Variants in CTNNA3 observed in about 807,000 individuals in gnomAD.
The protein encoded by CTNNA3 is catenin alpha-3.
A neutral mutation model predicts 95.7 loss-of-function variants in CTNNA3; 76 were observed. The ratio of observed to expected loss-of-function variants is 0.79; its 90% CI spans 0.66 to 0.96. The LOEUF (loss-of-function observed/expected upper bound fraction) is 0.96. CTNNA3 is among the 40% of genes least tolerant of loss of function. The pLI is 0.00. For missense variants in CTNNA3, 1,191 were observed against 1,089.8 expected, an observed-to-expected ratio of 1.09 and a Z score of -1.31; for synonymous variants, 431 against 374.4, an observed-to-expected ratio of 1.15 and a Z score of -1.74.
chr10:66,851,633 T>TACACACAC (rs35986426), intron 7 of CTNNA3, among the ~76,000 whole-genome samples: 6,358 of 144,204 alleles, frequency 0.044, 199 homozygotes, highest in African/African-American at 0.06. Flanking sequence ...TTCTCTCACA[T>TACACACAC]ACACACACAC....
At chr10:67,182,857 C>T (rs1247782863) in intron 6 of CTNNA3, among the ~76,000 whole-genome samples, 2 of 152,144 alleles carry the variant, frequency 1.3e-5, no homozygotes, top group Admixed American at 6.6e-5. Flanking sequence ...AAACAAACAA[C>T]CCCATCAACA....
intron 7 of CTNNA3, among the ~76,000 whole-genome samples, chr10:66,979,505 C>T (rs1850288201): frequency 1.3e-5 from 2 of 152,062 alleles, no homozygotes; most frequent in Admixed American, 6.6e-5. Flanking sequence ...AAATTTCGGC[C>T]CAGGGTGCAG....
intron 15 of CTNNA3, among the ~76,000 whole-genome samples, chr10:66,067,901 G>C (rs1012762162): frequency 6.6e-6 from 1 of 151,986 alleles, no homozygotes; most frequent in African/African-American, 2.4e-5. Flanking sequence ...GGATGACAGA[G>C]CGAGACTCCA....
At chr10:67,273,608 A>T (rs1839069360) in intron 5 of CTNNA3, among the ~76,000 whole-genome samples, 1 of 152,200 alleles carries the variant, frequency 6.6e-6, no homozygotes, top group African/African-American at 2.4e-5. Flanking sequence ...TATGTTCCAC[A>T]GAAAGCCTTG....
intron 10 of CTNNA3, among the ~76,000 whole-genome samples, chr10:66,590,068 G>C (rs1221395501): frequency 6.6e-6 from 1 of 152,078 alleles, no homozygotes; most frequent in Non-Finnish European, 1.5e-5. Context: ...TTTGTGAACT[G>C]CTAATTCAAT....
In CTNNA3 at chr10:67,615,657, CTT is replaced by C. The variant is rs746378840; in HGVS notation, c.100-8610_100-8609del. Among the ~76,000 whole-genome samples the C allele has an allele frequency of 1.8e-3, 182 of 102,134 alleles. 1 individual carries two copies. Among genetic ancestry groups the C allele is most frequent in the African/African-American group, 4.9e-3 (124 of 25,472 alleles). The allele number at this position is 102,134 out of a possible 152,430, so 67.0% of individuals were successfully genotyped here. A position where few individuals can be genotyped will look rare whatever the true frequency, so the allele number is the denominator to read the frequency against. On this transcript the variant is annotated intron_variant, in intron 2 of 17. Coordinates refer to ENST00000433211, the MANE Select transcript of CTNNA3 (RefSeq NM_013266.4). ...AATGTGTAACACAACGGCAGGTATT[CTT>C]TTTTTTTTTTTTTTTTTTTTTGAGA... is the stretch of plus-strand genomic sequence containing the variant.
Position 67,563,770 on chromosome 10 carries a change from G to A in CTNNA3, c.293-24101C>T, listed in dbSNP as rs888150768. On this transcript the variant is annotated intron_variant, in intron 3 of 17. Transcript: ENST00000433211. ...TGACAAAGGGCTAATATCCAGAATCGATAAAGAACTTAAACAAATTTACAA... is the reference window on the plus strand; with the variant it reads ...TGACAAAGGGCTAATATCCAGAATCAATAAAGAACTTAAACAAATTTACAA... 3.0e-4 allele frequency among the ~76,000 whole-genome samples: 45 copies of A among 151,312 alleles called. 1 individual carries two copies. Among genetic ancestry groups the A allele is most frequent in the African/African-American group, 1.1e-3 (44 of 40,918 alleles).
intron 5 of CTNNA3, among the ~76,000 whole-genome samples, chr10:67,381,824 G>A (rs921272579): frequency 6.6e-6 from 1 of 152,124 alleles, no homozygotes; most frequent in Non-Finnish European, 1.5e-5. Flanking sequence ...CTTTCTGACA[G>A]GTGAAGCCCT....
chr10:67,203,074 T>C (rs1178784397), intron 6 of CTNNA3, among the ~76,000 whole-genome samples: 1 of 152,192 alleles, frequency 6.6e-6, no homozygotes, highest in African/African-American at 2.4e-5. Flanking sequence ...TTTTTGGCTG[T>C]CTCCCTTGTT....
At chr10:67,484,217 G>C (rs934234462) in intron 5 of CTNNA3, among the ~76,000 whole-genome samples, 5 of 152,134 alleles carry the variant, frequency 3.3e-5, no homozygotes, top group Admixed American at 3.3e-4. Context: ...AACAAGCAAT[G>C]GGGAAAGGAC....
At chr10:67,231,882 G>A (rs889307665) in intron 5 of CTNNA3, among the ~76,000 whole-genome samples, 6 of 152,156 alleles carry the variant, frequency 3.9e-5, no homozygotes, top group Middle Eastern at 3.2e-3. Context: ...CTCAGGAGCC[G>A]ATGCGATCAA....
chr10:66,709,920 T>G lies in CTNNA3; in HGVS notation c.1281+56344A>C, dbSNP rs563355435. 2.2e-4 allele frequency among the ~76,000 whole-genome samples: 33 copies of G among 152,270 alleles called. 1 individual carries two copies. The highest frequency in any genetic ancestry group is 2.2e-3 in the Admixed American group (33 of 15,282). ...TAGTAAGAAATATACAATTATGATA[T>G]TTGAAATGCTATTAGAAATTAAGAA... is the stretch of plus-strand genomic sequence containing the variant. On this transcript the variant is annotated intron_variant, in intron 9 of 17. Coordinates refer to ENST00000433211, the MANE Select transcript of CTNNA3 (RefSeq NM_013266.4).
chr10:66,175,660 C>T (rs2085668922), intron 13 of CTNNA3, among the ~76,000 whole-genome samples: 1 of 152,174 alleles, frequency 6.6e-6, no homozygotes, highest in African/African-American at 2.4e-5. Context: ...CTTAACTCAC[C>T]AGTCACAATG....
At chr10:67,129,384 T>A (rs766727184) in intron 7 of CTNNA3, among the ~76,000 whole-genome samples, 58 of 152,196 alleles carry the variant, frequency 3.8e-4, no homozygotes, top group Non-Finnish European at 2.8e-4. Context: ...AATGACTTTA[T>A]AATTTAGCTG....
chr10:66,586,307 T>C (rs1271627477), intron 10 of CTNNA3, among the ~76,000 whole-genome samples: 1 of 152,066 alleles, frequency 6.6e-6, no homozygotes, highest in African/African-American at 2.4e-5. Context: ...AAATGTAATA[T>C]CCAACGATTG....
At chr10:67,089,575 C>T (rs1292809690) in intron 7 of CTNNA3, among the ~76,000 whole-genome samples, 1 of 151,818 alleles carries the variant, frequency 6.6e-6, no homozygotes, top group Non-Finnish European at 1.5e-5. Flanking sequence ...CACTTCTCAG[C>T]AATATGGACT....
intron 5 of CTNNA3, among the ~76,000 whole-genome samples, chr10:67,379,593 C>A (rs868659763): frequency 3.3e-5 from 5 of 152,190 alleles, no homozygotes; most frequent in Middle Eastern, 3.4e-3. Context: ...ACTTTAAAGG[C>A]TCTTGGTAAT....
chr10:66,071,237 G>T (rs1036167536), intron 14 of CTNNA3, among the ~76,000 whole-genome samples: 1 of 152,062 alleles, frequency 6.6e-6, no homozygotes, highest in Non-Finnish European at 1.5e-5. Context: ...GATATATATC[G>T]CCAGGTGGCT....
At chr10:66,960,379 G>T (rs977328527) in intron 7 of CTNNA3, among the ~76,000 whole-genome samples, 1 of 152,110 alleles carries the variant, frequency 6.6e-6, no homozygotes, top group Non-Finnish European at 1.5e-5. Context: ...TGTCAAACCA[G>T]ATGTTGTATG....
Sources: allele counts gnomAD v4.1 joint callset (sites outside exome capture counted in the v4.1 genomes callset), GRCh38; gene constraint gnomAD v4.1.1; transcripts MANE v1.5; gene names NCBI Gene and HGNC (gene_info 2026-07-23, HGNC 2026-07-21).